DDX54: variants seen among roughly 807,000 people sequenced by gnomAD.
The protein encoded by DDX54 is DEAD-box helicase 54.
In DDX54, 67 loss-of-function variants were observed where a neutral mutation model predicts 105.5. That is an observed-to-expected ratio of 0.64 (90% CI 0.52 to 0.78). The LOEUF (loss-of-function observed/expected upper bound fraction) is 0.78, where lower values mean the gene tolerates loss of function less well. Ranked by LOEUF, DDX54 falls within the 30% of genes least tolerant of loss-of-function variation. The probability of loss-of-function intolerance (pLI) is 0.00; values close to 1 mark genes in which losing one functional copy is unlikely to be tolerated. For missense variants in DDX54, 1,206 were observed against 1,230.5 expected (o/e 0.98, Z 0.30); for synonymous variants, 514 against 509.9 (o/e 1.01, Z -0.11).
At chr12:113,177,006 C>G (rs773004935) in intron 6 of DDX54, 46 bp downstream of exon 6, 5 of 1,613,634 alleles carry the variant, frequency 3.1e-6, no homozygotes, top group Non-Finnish European at 4.2e-6. Flanking sequence ...ACACCCCCAC[C>G]ACTAGGAAGG....
In DDX54 at chr12:113,174,662, TG is replaced by T; in HGVS notation, c.1045del (p.His349ThrfsTer10). ...DQTVVFVATK[H>X]HAEYLTELLT... The stretch of plus-strand genomic sequence containing the variant: ...CACCTCAGTGAGGTACTCGGCGTGG[TG>T]CTTCGTGGCCACAAACACCACGGTC... On this transcript the variant is annotated frameshift_variant, in exon 10 of 20. Transcript: ENST00000306014. LOFTEE classifies it high-confidence loss of function. 8.7e-6 allele frequency: 14 copies of T among 1,611,168 alleles called. No individual in the cohort carries two copies. Among genetic ancestry groups the T allele is most frequent in the Non-Finnish European group, 1.1e-5 (13 of 1,177,580 alleles).
intron 17 of DDX54, among the ~76,000 whole-genome samples, 200 bp from the exon 18 acceptor site, chr12:113,162,197 A>T (rs898908206): frequency 3.9e-5 from 6 of 152,096 alleles, no homozygotes; most frequent in African/African-American, 1.4e-4. Context: ...CCTGCAGTCC[A>T]GGTCTCAAAA....
At position 113,161,946 on chromosome 12, in the gene DDX54, C is replaced by T. The variant is rs754042784; in HGVS notation, c.2247G>A (p.Lys749=). The change falls in exon 18 of 20, where the codon AAG becomes AAA. Residue 749 remains lysine (K), a synonymous_variant. Transcript: ENST00000306014. The stretch of plus-strand genomic sequence containing the variant: ...AGCGGCCGCTCTCTGTCTTAATCTT[C>T]TTCTTGTCTTCCTGTCCTGACTGTC... ...FVGQSGQEDK[K]KIKTESGRYI... is the part of the protein sequence containing the mutation. The T allele has an allele frequency of 1.8e-5, 29 of 1,613,098 alleles. No individual in the cohort carries two copies. In the South Asian group the frequency reaches 3.2e-4, roughly 18 times the overall value.
At chr12:113,164,738 A>G (rs976800549) in intron 14 of DDX54, among the ~76,000 whole-genome samples, 1 of 151,662 alleles carries the variant, frequency 6.6e-6, no homozygotes, top group African/African-American at 2.4e-5. Context: ...ACAAAAACAC[A>G]GAGAGACCCA....
intron 17 of DDX54, chr12:113,162,690 G>A: frequency 2.2e-6 from 1 of 457,458 alleles, no homozygotes; most frequent in Non-Finnish European, 3.9e-6. Flanking sequence ...TGGAGGTAGG[G>A]GAGGCTCACT....
chr12:113,183,974 T>A (rs1054644252), intron 1 of DDX54, among the ~76,000 whole-genome samples: 1 of 151,882 alleles, frequency 6.6e-6, no homozygotes. Context: ...TGAGACAGAG[T>A]CTTGCTCTGT....
chr12:113,161,894 G>A lies in DDX54; in HGVS notation c.2299C>T (p.Leu767Phe). 1 of 1,590,286 alleles carries A rather than the reference G, an allele frequency of 6.3e-7. No homozygotes were observed. The highest frequency in any genetic ancestry group is 8.6e-7 in the Non-Finnish European group (1 of 1,167,030). ...RYISSSYKRD[L>F]YQKWKQKQKI... ...CCCCAGCCACGCCCCTCAGGATACA[G>A]GTCTCGCTTGTAGGAGCTGCTGATG... The change falls in exon 18 of 20, where the codon CTC becomes TTC. Residue 767 changes from leucine to phenylalanine, a missense_variant and splice_region_variant. This residue lies in a region of DDX54 where 961 missense variants were observed against 1,019.1 expected (regional missense o/e 0.94). Coordinates refer to ENST00000306014, the MANE Select transcript of DDX54 (RefSeq NM_024072.4).
Position 113,158,931 on chromosome 12 carries a change from G to A in DDX54, c.2592C>T (p.Gly864=), listed in dbSNP as rs2305901. The change falls in exon 20 of 20, where the codon GGC becomes GGT. Residue 864 remains glycine (G), a synonymous_variant. Transcript: ENST00000306014. The surrounding 1 kb of genome is among the most constrained non-coding windows in gnomAD (Gnocchi z 4.9). ...TGGAGCGGGCACCCCGGCCGAAGGC[G>A]CCCTGCTGCAGCTCCTGGACGCGGC... ...NRRRVQELQQ[G]AFGRGARSKK... 16,264 of 1,609,660 alleles carry A rather than the reference G, an allele frequency of 0.01. 459 individuals carry two copies. The highest frequency in any genetic ancestry group is 0.068 in the African/African-American group (5,099 of 74,968).
rs765494779 is a variant in DDX54 at position 113,161,328 on chromosome 12, T to C, written c.2355A>G (p.Glu785=). 6.2e-7 allele frequency: 1 copy of C among 1,613,648 alleles called. No individual in the cohort carries two copies. Residue 785 remains glutamate (E), a synonymous_variant, in exon 19 of 20, where the codon GAA becomes GAG. Transcript: ENST00000306014. ...QKIDDRDSDE[E]GASDRRGPER... ...CTGGGCCTCGCCGGTCAGATGCCCC[T>C]TCTTCGTCCGAGTCACGATCATCAA...
Position 113,162,623 on chromosome 12 carries a change from C to T in DDX54, c.2195+309G>A, listed in dbSNP as rs926207321. 1.6e-5 allele frequency: 6 copies of T among 382,628 alleles called. No homozygotes were observed. The East Asian group carries it at 1.8e-4, about 12-fold the overall frequency. The allele number at this position is 382,628 out of a possible 1,614,324, so 23.7% of individuals were successfully genotyped here. On this transcript the variant is annotated intron_variant, in intron 17 of 19. Coordinates refer to ENST00000306014, the MANE Select transcript of DDX54 (RefSeq NM_024072.4). ...CCTGGGCCTGGAGGGGTGGCTCACT[C>T]GCTCACTCACCCCAGGGAATGGAGG...
At chr12:113,164,313 C>T in intron 14 of DDX54, 28 bp from the exon 15 acceptor site, 1 of 1,550,306 alleles carries the variant, frequency 6.5e-7, no homozygotes, top group Non-Finnish European at 8.7e-7. Context: ...AGTCCTTTGC[C>T]CACTGGCCTC....
At chr12:113,159,354 G>T in intron 19 of DDX54, 3 of 502,700 alleles carry the variant, frequency 6.0e-6, no homozygotes, top group Non-Finnish European at 3.5e-6. Flanking sequence ...TGGGCAAGAA[G>T]TTAACGGCTC....
chr12:113,185,042 A>G (rs1952511444), intron 1 of DDX54, among the ~76,000 whole-genome samples: 1 of 152,194 alleles, frequency 6.6e-6, no homozygotes, highest in East Asian at 1.9e-4. Flanking sequence ...AAAACCCGGC[A>G]GGAAGGCCCG....
At chr12:113,162,819 C>T (rs905020697) in intron 17 of DDX54, 113 bp downstream of exon 17, 31 of 1,069,092 alleles carry the variant, frequency 2.9e-5, no homozygotes, top group African/African-American at 1.3e-4. Context: ...CACTCACTCA[C>T]CCCGGGCATG....
intron 19 of DDX54, 89 bp downstream of exon 19, chr12:113,161,181 G>A: frequency 9.7e-7 from 1 of 1,028,370 alleles, no homozygotes; most frequent in Non-Finnish European, 1.4e-6. Flanking sequence ...CTCTGCAGTA[G>A]CCCCTGCACC....
chr12:113,175,784 G>T (rs916433726), intron 7 of DDX54, among the ~76,000 whole-genome samples: 4 of 149,152 alleles, frequency 2.7e-5, no homozygotes, highest in Admixed American at 6.7e-5. Context: ...GTGAGACTCC[G>T]TCTCAAAAAA....
At chr12:113,169,513 C>T (rs751096028) in intron 12 of DDX54, among the ~76,000 whole-genome samples, 20 of 151,448 alleles carry the variant, frequency 1.3e-4, no homozygotes, top group South Asian at 2.1e-4. Context: ...CCCAGCTACT[C>T]GGGAGGCTGA....
chr12:113,166,908 C>T (rs1196212957), intron 12 of DDX54, among the ~76,000 whole-genome samples: 4 of 152,310 alleles, frequency 2.6e-5, no homozygotes, highest in Non-Finnish European at 5.9e-5. Context: ...AACAGCAATA[C>T]TTATGGTAAT....
In DDX54 at chr12:113,185,455, G is replaced by T. The variant is rs550003384; in HGVS notation, c.-4C>A. On this transcript the variant is annotated 5_prime_UTR_variant, in exon 1 of 20. Coordinates refer to ENST00000306014, the MANE Select transcript of DDX54 (RefSeq NM_024072.4). ...CCGGGCCCTTGTCGGCCGCCATTCG[G>T]GCCGCGCGCTGGGAACGCAGAAGGG... 1.1e-5 allele frequency: 17 copies of T among 1,500,598 alleles called. 1 individual carries two copies. The South Asian group carries it at 1.9e-4, about 17-fold the overall frequency. 93.0% of individuals were successfully genotyped at this position (1,500,598 alleles called of 1,614,324 possible). A position where few individuals can be genotyped will look rare whatever the true frequency, so the allele number is the denominator to read the frequency against.
Sources: gnomAD v4.1 joint callset for allele counts (sites outside exome capture counted in the v4.1 genomes callset) on GRCh38, gnomAD v4.1.1 for gene constraint, gnomAD v4.1.1 regional missense constraint, Gnocchi (gnomAD v3.1) non-coding constraint, MANE v1.5 for transcripts, NCBI Gene and HGNC (gene_info 2026-07-23, HGNC 2026-07-21) for gene names.